CARNMT1: variants seen among roughly 807,000 people sequenced by gnomAD.
CARNMT1 encodes the protein carnosine N-methyltransferase 1, also known as protein-L-histidine N-pros-methyltransferase CARNMT1.
CARNMT1 carries 28 observed loss-of-function variants against 49.6 expected under a neutral mutation model. That is an observed-to-expected ratio of 0.56 (90% confidence interval 0.42 to 0.77). CARNMT1 has a LOEUF of 0.77. Ranked by LOEUF, CARNMT1 falls within the 30% of genes least tolerant of loss-of-function variation. The probability of loss-of-function intolerance (pLI) is 0.00; values close to 1 mark genes in which losing one functional copy is unlikely to be tolerated. For synonymous variants in CARNMT1, 178 were observed against 175.0 expected (o/e 1.02, Z -0.13); for missense variants, 421 against 512.6 (o/e 0.82, Z 1.73).
At chr9:75,005,071 T>A (rs963932034) in intron 3 of CARNMT1, among the ~76,000 whole-genome samples, 16 of 152,172 alleles carry the variant, frequency 1.1e-4, no homozygotes, top group Admixed American at 5.2e-4. Context: ...AATTTTTTTT[T>A]AAATTTCAAT....
At chr9:74,995,710 A>T (rs1158858794) in intron 6 of CARNMT1, among the ~76,000 whole-genome samples, 1 of 152,178 alleles carries the variant, frequency 6.6e-6, no homozygotes, top group Non-Finnish European at 1.5e-5. Flanking sequence ...ATGTCCTTTT[A>T]TGTAGTATAA....
chr9:74,994,115 A>G (rs557632029), intron 6 of CARNMT1, among the ~76,000 whole-genome samples: 4 of 152,310 alleles, frequency 2.6e-5, no homozygotes, highest in East Asian at 1.9e-4. Flanking sequence ...GAGCTCACTC[A>G]TGCTCTCATT....
intron 1 of CARNMT1, among the ~76,000 whole-genome samples, chr9:75,018,456 C>G (rs1833913239): frequency 6.6e-6 from 1 of 152,098 alleles, no homozygotes; most frequent in Admixed American, 6.6e-5. Flanking sequence ...CTGACTATAT[C>G]AAATTTTGGT....
upstream of CARNMT1, chr9:75,028,421 T>G (rs562391194): frequency 7.8e-7 from 1 of 1,281,970 alleles, no homozygotes; most frequent in East Asian, 3.3e-5. Context: ...TCTTCAGGGC[T>G]CCCAGAACCA....
intron 6 of CARNMT1, among the ~76,000 whole-genome samples, chr9:74,990,444 C>T (rs1832976105): frequency 6.6e-6 from 1 of 152,138 alleles, no homozygotes; most frequent in African/African-American, 2.4e-5. Context: ...CTAAAGTTAT[C>T]AGTATGAACT....
At chr9:74,984,826 G>T (rs2118745189) in intron 7 of CARNMT1, 81 bp downstream of exon 7, 2 of 851,074 alleles carry the variant, frequency 2.3e-6, no homozygotes, top group South Asian at 1.4e-5. Flanking sequence ...AATTCAAATA[G>T]TCACTAACAG....
At chr9:74,988,531 A>G (rs1202581488) in intron 6 of CARNMT1, among the ~76,000 whole-genome samples, 1 of 152,202 alleles carries the variant, frequency 6.6e-6, no homozygotes, top group African/African-American at 2.4e-5. Context: ...TGTTAGAAAT[A>G]TAAGTTCACT....
intron 6 of CARNMT1, among the ~76,000 whole-genome samples, chr9:74,986,290 G>C (rs1832834418): frequency 6.6e-6 from 1 of 152,146 alleles, no homozygotes; most frequent in African/African-American, 2.4e-5. Flanking sequence ...GTGGATCACA[G>C]GGTAAAAAAG....
chr9:75,015,084 A>G (rs1833806654), intron 3 of CARNMT1, among the ~76,000 whole-genome samples: 1 of 152,214 alleles, frequency 6.6e-6, no homozygotes, highest in African/African-American at 2.4e-5. Flanking sequence ...AACCTGGGAC[A>G]GAGGTTAGGT....
intron 2 of CARNMT1, 114 bp downstream of exon 2, chr9:75,017,139 G>T: frequency 1.3e-6 from 1 of 749,362 alleles, no homozygotes; most frequent in Non-Finnish European, 2.2e-6. Flanking sequence ...AAAACTTTCT[G>T]AGTAGAGCAA....
chr9:75,019,546 C>T (rs1237802061), intron 1 of CARNMT1, among the ~76,000 whole-genome samples: 1 of 152,170 alleles, frequency 6.6e-6, no homozygotes, highest in Non-Finnish European at 1.5e-5. Context: ...AGTATCTCTT[C>T]CCTCTGAGGG....
At chr9:75,005,941 T>C (rs1267702350) in intron 3 of CARNMT1, among the ~76,000 whole-genome samples, 5 of 151,904 alleles carry the variant, frequency 3.3e-5, no homozygotes, top group African/African-American at 1.2e-4. Flanking sequence ...AAATTCCCCA[T>C]GTACTTACTG....
intron 2 of CARNMT1, chr9:75,016,864 A>G (rs749478529): frequency 7.2e-6 from 2 of 276,302 alleles, no homozygotes; most frequent in Non-Finnish European, 1.3e-5. Flanking sequence ...TGAGATTTAT[A>G]AGTGAAAACA....
intron 2 of CARNMT1, chr9:75,016,717 CCTCT>C (rs745619041): frequency 6.1e-6 from 2 of 329,568 alleles, no homozygotes; most frequent in South Asian, 1.3e-4. Flanking sequence ...GACCGAACAT[CCTCT>C]CTAAGAGAGG....
intron 1 of CARNMT1, among the ~76,000 whole-genome samples, chr9:75,022,387 C>G (rs1307189165): frequency 3.3e-5 from 5 of 151,812 alleles, no homozygotes; most frequent in African/African-American, 1.2e-4. Context: ...CCATGCCCGG[C>G]TAATTTTTAT....
chr9:75,020,742 G>A (rs532647263), intron 1 of CARNMT1, among the ~76,000 whole-genome samples: 2 of 152,068 alleles, frequency 1.3e-5, no homozygotes, highest in African/African-American at 2.4e-5. Context: ...CTGGCTGGTC[G>A]CGTTTTTACA....
At chr9:75,006,365 C>T (rs1251554524) in intron 3 of CARNMT1, among the ~76,000 whole-genome samples, 1 of 142,456 alleles carries the variant, frequency 7.0e-6, no homozygotes, top group Non-Finnish European at 1.5e-5. Context: ...TGCCCCTTTT[C>T]CAGGCTCTAG....
intron 3 of CARNMT1, among the ~76,000 whole-genome samples, chr9:75,004,490 G>A (rs1426551158): frequency 6.6e-6 from 1 of 152,102 alleles, no homozygotes; most frequent in East Asian, 1.9e-4. Flanking sequence ...ATCTTGACTT[G>A]AAAGAAATAT....
At position 75,005,032 on chromosome 9, in the gene CARNMT1, A is replaced by T. The variant is rs59187073; in HGVS notation, c.591-5162T>A. Among the ~76,000 whole-genome samples, 558 of 152,318 alleles carry T rather than the reference A, an allele frequency of 3.7e-3. 5 individuals are homozygous for T. Among genetic ancestry groups the T allele is most frequent in the African/African-American group, 0.013 (525 of 41,580 alleles). On this transcript the variant is annotated intron_variant, in intron 3 of 7. Coordinates refer to ENST00000376834, the MANE Select transcript of CARNMT1 (RefSeq NM_152420.3). ...AAGCTTTACAGCACTGAATTCTTAT[A>T]TTTAAATTATTAGACATTCACTTGG...
Sources: gnomAD v4.1 joint callset for allele counts (sites outside exome capture counted in the v4.1 genomes callset) on GRCh38, gnomAD v4.1.1 for gene constraint, MANE v1.5 for transcripts, NCBI Gene and HGNC (gene_info 2026-07-23, HGNC 2026-07-21) for gene names.